KANK1: variants seen among roughly 807,000 people sequenced by gnomAD.
The protein encoded by KANK1 is KN motif and ankyrin repeat domains 1.
A neutral mutation model predicts 106.2 loss-of-function variants in KANK1; 109 were observed. That is an observed-to-expected ratio of 1.03 (90% confidence interval 0.88 to 1.20). The LOEUF (loss-of-function observed/expected upper bound fraction) is 1.20, where lower values mean the gene tolerates loss of function less well. Ranked by LOEUF, KANK1 falls within the 50% of genes most tolerant of loss-of-function variation. The probability of loss-of-function intolerance (pLI) is 0.00; values close to 1 mark genes in which losing one functional copy is unlikely to be tolerated. For missense variants in KANK1, 2,399 were observed against 1,710.7 expected, an observed-to-expected ratio of 1.40 and a Z score of -7.10; for synonymous variants, 873 against 652.2, an observed-to-expected ratio of 1.34 and a Z score of -5.16.
In KANK1 at chr9:711,624, G is replaced by T; in HGVS notation, c.858G>T (p.Val286=). Residue 286 remains valine, a synonymous_variant, in exon 3 of 12, where the codon GTG becomes GTT. Transcript: ENST00000382297. ...AGGAGCAGGTGCGAACCATCCCTGT[G>T]CTCCAGGTAAAGATCTCTGTCTTGC... The part of the protein sequence containing the change: ...ELEEQVRTIP[V]LQVKISVLQE... The T allele has an allele frequency of 6.2e-7, 1 of 1,614,124 alleles. No homozygotes were observed. The highest frequency in any genetic ancestry group is 8.5e-7 in the Non-Finnish European group (1 of 1,180,034).
At chr9:691,318 A>T (rs1819852936) in intron 2 of KANK1, among the ~76,000 whole-genome samples, 1 of 151,776 alleles carries the variant, frequency 6.6e-6, no homozygotes, top group Non-Finnish European at 1.5e-5. Flanking sequence ...TTTTTGCAGG[A>T]TCAAGAAACA....
chr9:609,331 T>C (rs903222013), intron 1 of KANK1, among the ~76,000 whole-genome samples: 1 of 152,150 alleles, frequency 6.6e-6, no homozygotes, highest in Non-Finnish European at 1.5e-5. Context: ...AAGTCCTTTT[T>C]AAATAGAATC....
chr9:692,245 T>C (rs537014896), intron 2 of KANK1, among the ~76,000 whole-genome samples: 1 of 152,358 alleles, frequency 6.6e-6, no homozygotes, highest in South Asian at 2.1e-4. Flanking sequence ...CCACAGTTAC[T>C]GATGGGAGAC....
chr9:628,517 C>T (rs1462018266), intron 1 of KANK1, among the ~76,000 whole-genome samples: 1 of 152,158 alleles, frequency 6.6e-6, no homozygotes, highest in African/African-American at 2.4e-5. Context: ...CAGTGTCTGC[C>T]TCTGCTCGTC....
chr9:698,176 C>T (rs1821784637), intron 2 of KANK1, among the ~76,000 whole-genome samples: 1 of 152,192 alleles, frequency 6.6e-6, no homozygotes, highest in Non-Finnish European at 1.5e-5. Context: ...TGCTGCCCGC[C>T]TTTCTCTCCT....
chr9:564,053 A>G (rs1011542414), intron 1 of KANK1, among the ~76,000 whole-genome samples: 1 of 144,448 alleles, frequency 6.9e-6, no homozygotes. Flanking sequence ...TAGAATGTGC[A>G]CTTTCTTTCT....
chr9:676,858 C>G (rs1563971325), intron 1 of KANK1, 32 bp from the exon 2 acceptor site: 3 of 748,512 alleles, frequency 4.0e-6, no homozygotes, highest in Non-Finnish European at 7.0e-6. Context: ...TTTAAATGAT[C>G]CATTTTGATG....
chr9:588,927 A>T (rs191305070), intron 1 of KANK1, among the ~76,000 whole-genome samples: 14 of 152,318 alleles, frequency 9.2e-5, no homozygotes, highest in African/African-American at 2.4e-4. Context: ...TTATATGATT[A>T]AAAAAACCCA....
intron 1 of KANK1, among the ~76,000 whole-genome samples, chr9:545,199 G>T (rs540936555): frequency 6.6e-6 from 1 of 152,038 alleles, no homozygotes; most frequent in African/African-American, 2.4e-5. Flanking sequence ...TGAATGGGGA[G>T]AGGCAAACAT....
intron 1 of KANK1, among the ~76,000 whole-genome samples, chr9:534,799 C>T (rs2060220990): frequency 6.6e-6 from 1 of 152,150 alleles, no homozygotes; most frequent in African/African-American, 2.4e-5. Flanking sequence ...AACATGTTTA[C>T]AATAAGAAAG....
At position 632,718 on chromosome 9, in the gene KANK1, C is replaced by G. The variant is rs370553448; in HGVS notation, c.-83-44172C>G. On this transcript the variant is annotated intron_variant, in intron 1 of 11. Coordinates refer to ENST00000382297, the MANE Select transcript of KANK1 (RefSeq NM_015158.5). ...GTTTTGTTTTTCTTTGAGATGGAGT[C>G]TCTCTCTGTTGCCCAGGCTGTAGTG... is the stretch of plus-strand genomic sequence containing the variant. Among the ~76,000 whole-genome samples, 4 of 152,244 alleles carry G rather than the reference C, an allele frequency of 2.6e-5. No individual in the cohort carries two copies. The South Asian group carries it at 6.2e-4, about 24-fold the overall frequency.
chr9:615,719 G>C (rs1453040201), intron 1 of KANK1, among the ~76,000 whole-genome samples: 1 of 152,130 alleles, frequency 6.6e-6, no homozygotes, highest in Non-Finnish European at 1.5e-5. Flanking sequence ...TCACCATAAA[G>C]TCCAAGACAT....
At chr9:632,522 A>G (rs1835990377) in intron 1 of KANK1, among the ~76,000 whole-genome samples, 1 of 152,178 alleles carries the variant, frequency 6.6e-6, no homozygotes, top group African/African-American at 2.4e-5. Flanking sequence ...TGAAAAATAA[A>G]GCAGCTTGTA....
chr9:472,402 G>A (rs979573528), intron 2 of KANK1, among the ~76,000 whole-genome samples: 1 of 152,202 alleles, frequency 6.6e-6, no homozygotes. Context: ...AGGTCACTTG[G>A]GGAGGTGTCT....
intron 1 of KANK1, among the ~76,000 whole-genome samples, chr9:635,986 T>TA (rs778994705): frequency 6.6e-6 from 1 of 152,196 alleles, no homozygotes; most frequent in Non-Finnish European, 1.5e-5. Flanking sequence ...TATTCCTTCT[T>TA]AATGAGGCAC....
intron 1 of KANK1, among the ~76,000 whole-genome samples, chr9:613,566 C>G: frequency 6.6e-6 from 1 of 152,068 alleles, no homozygotes; most frequent in East Asian, 1.9e-4. Context: ...TTGGACTCCC[C>G]TGCTGTATGG....
Position 713,359 on chromosome 9 carries a change from C to G in KANK1, c.2593C>G (p.Gln865Glu), listed in dbSNP as rs1437356268. 1.2e-6 allele frequency: 2 copies of G among 1,614,188 alleles called. No homozygotes were observed. Among genetic ancestry groups the G allele is most frequent in the East Asian group, 2.2e-5 (1 of 44,878 alleles). Reference protein sequence around the residue: ...PHSQMGSLNSQLISTLSSINS... With the variant: ...PHSQMGSLNSELISTLSSINS... ...CTCACAGATGGGCTCCCTCAACTCTCAGCTCATCAGCACCCTGTCGTCTAT... is the reference window on the plus strand; with the variant it reads ...CTCACAGATGGGCTCCCTCAACTCTGAGCTCATCAGCACCCTGTCGTCTAT... The change falls in exon 3 of 12, where the codon CAG (glutamine) becomes GAG (glutamate). Residue 865 changes from glutamine (Q) to glutamate (E), a missense_variant. Transcript: ENST00000382297.
chr9:732,770 C>A, intron 6 of KANK1, 153 bp downstream of exon 6: 1 of 784,832 alleles, frequency 1.3e-6, no homozygotes, highest in Non-Finnish European at 2.0e-6. Flanking sequence ...TATACAAGTG[C>A]AGAGTATTAC....
chr9:741,170 C>T (rs1054385092), intron 9 of KANK1, among the ~76,000 whole-genome samples: 2 of 152,198 alleles, frequency 1.3e-5, no homozygotes, highest in African/African-American at 4.8e-5. Context: ...GCCTTTTGTC[C>T]ATTTGCATAG....
Sources: gnomAD v4.1 joint callset for allele counts (sites outside exome capture counted in the v4.1 genomes callset) on GRCh38, gnomAD v4.1.1 for gene constraint, MANE v1.5 for transcripts, NCBI Gene and HGNC (gene_info 2026-07-23, HGNC 2026-07-21) for gene names.